SP140: variants seen among roughly 807,000 people sequenced by gnomAD.
SP140 encodes SP140 nuclear body protein, also known as nuclear body protein SP140.
A neutral mutation model predicts 125.0 loss-of-function variants in SP140; 81 were observed. The observed-to-expected ratio is 0.65, with a 90% CI of 0.54 to 0.78. The LOEUF is 0.78. Among genes scored for constraint, SP140 ranks in the 30% least tolerant of loss-of-function variants. The pLI is 0.00. For synonymous variants in SP140, 312 were observed against 354.0 expected (o/e 0.88, Z 1.33); for missense variants, 858 against 1,037.0 (o/e 0.83, Z 2.37).
chr2:230,198,868 T>A (rs1421896312), upstream of SP140, among the ~76,000 whole-genome samples: 1 of 152,090 alleles, frequency 6.6e-6, no homozygotes, highest in Non-Finnish European at 1.5e-5. Flanking sequence ...AATAGCAAAT[T>A]ATTAATGATA....
At chr2:230,312,360 G>T (rs1411180105) in intron 26 of SP140, among the ~76,000 whole-genome samples, 1 of 152,158 alleles carries the variant, frequency 6.6e-6, no homozygotes, top group Non-Finnish European at 1.5e-5. Context: ...ACAAAAAAAT[G>T]ATAACTATTT....
chr2:230,245,123 G>A, intron 6 of SP140, 43 bp downstream of exon 6: 1 of 1,352,432 alleles, frequency 7.4e-7, no homozygotes, highest in Non-Finnish European at 1.1e-6. Context: ...TAAATTAGTT[G>A]GCCTATCTCT....
intron 1 of SP140, among the ~76,000 whole-genome samples, chr2:230,234,146 T>C (rs1164232470): frequency 6.6e-6 from 1 of 152,228 alleles, no homozygotes. Context: ...ACAGTGTCAG[T>C]AAAAATGGAG....
chr2:230,208,002 C>A (rs1559171302), intron 1 of SP140: 2 of 1,551,030 alleles, frequency 1.3e-6, no homozygotes, highest in Non-Finnish European at 1.8e-6. Context: ...TCCTGGGAGG[C>A]TTTTTTTCTT....
At chr2:230,189,044 T>C in the SP140 span, among the ~76,000 whole-genome samples, 4 of 152,154 alleles carry the variant, frequency 2.6e-5, no homozygotes, top group Admixed American at 6.5e-5. Flanking sequence ...GTGGTGTCAG[T>C]TGTAATGTCT....
chr2:230,252,047 ACT>A (rs1221129090), intron 10 of SP140, among the ~76,000 whole-genome samples: 1 of 151,890 alleles, frequency 6.6e-6, no homozygotes, highest in Admixed American at 6.6e-5. Context: ...AATCTGAGAG[ACT>A]CTACCTGGGT....
chr2:230,271,328 T>C lies in SP140; in HGVS notation c.1498+689T>C, dbSNP rs541506655. Among the ~76,000 whole-genome samples, 19 of 152,300 alleles carry C rather than the reference T, an allele frequency of 1.2e-4. 1 individual carries two copies. The South Asian group carries it at 2.5e-3, about 20-fold the overall frequency. Reference sequence around the variant, plus strand: ...AGGCTGGAAGAATTTTAGATTATGATCGGAAAAGCCTATATTGCCTTGAGT... The same window carrying C: ...AGGCTGGAAGAATTTTAGATTATGACCGGAAAAGCCTATATTGCCTTGAGT... On this transcript the variant is annotated intron_variant, in intron 15 of 26. Transcript: ENST00000392045.
intron 15 of SP140, 147 bp downstream of exon 15, chr2:230,270,786 C>A: frequency 1.3e-6 from 1 of 761,518 alleles, no homozygotes; most frequent in Non-Finnish European, 2.3e-6. Context: ...TGTCTACCTC[C>A]TAATCCCTGG....
At chr2:230,188,044 G>C in the SP140 span, among the ~76,000 whole-genome samples, 1 of 152,012 alleles carries the variant, frequency 6.6e-6, no homozygotes, top group East Asian at 1.9e-4. Context: ...GTTGATATTT[G>C]ATAAGAATTG....
At chr2:230,199,742 G>C (rs1246187070), upstream of SP140, among the ~76,000 whole-genome samples, 1 of 152,066 alleles carries the variant, frequency 6.6e-6, no homozygotes, top group African/African-American at 2.4e-5. Flanking sequence ...TTCCCAGAGA[G>C]AGTTTATTTC....
intron 15 of SP140, among the ~76,000 whole-genome samples, chr2:230,276,001 C>T (rs2149386158): frequency 1.3e-5 from 2 of 152,208 alleles, no homozygotes; most frequent in Middle Eastern, 3.4e-3. Flanking sequence ...TTGTGGCTAG[C>T]TGATGTTGGT....
chr2:230,245,826 T>G (rs773367546), intron 6 of SP140, 37 bp from the exon 7 acceptor site: 168 of 1,390,996 alleles, frequency 1.2e-4, no homozygotes, highest in Non-Finnish European at 1.6e-4. Flanking sequence ...TCCAGGTCAC[T>G]GCCAATTGTC....
intron 18 of SP140, 39 bp downstream of exon 18, chr2:230,288,005 C>G: frequency 6.5e-7 from 1 of 1,531,472 alleles, no homozygotes; most frequent in Non-Finnish European, 9.0e-7. Context: ...AATAACTAAA[C>G]ATCTAATTTC....
At chr2:230,234,879 T>C (rs1012105498) in intron 1 of SP140, 20 of 152,228 alleles carry the variant, frequency 1.3e-4, no homozygotes, top group African/African-American at 4.3e-4. Context: ...ACATCTGTAT[T>C]TCCGCTAGGG....
chr2:230,241,311 C>A, intron 3 of SP140, 93 bp from the exon 4 acceptor site: 1 of 794,276 alleles, frequency 1.3e-6, no homozygotes, highest in Non-Finnish European at 2.2e-6. Flanking sequence ...GTGGGAGATC[C>A]TGGGGCTTGG....
rs148356804 is a variant in SP140, at chr2:230,213,005, C to T, written c.-322-649C>T. Reference sequence around the variant, plus strand: ...CAAGTAGGATTGGTGTGTCTCTGCTCTGCCATTCATAGGAAGCACCAACTG... The same window carrying T: ...CAAGTAGGATTGGTGTGTCTCTGCTTTGCCATTCATAGGAAGCACCAACTG... On this transcript the variant is annotated intron_variant, in intron 1 of 4. Transcript: ENST00000456542. 43 of 1,614,078 alleles carry T rather than the reference C, an allele frequency of 2.7e-5. No individual in the cohort carries two copies. The African/African-American group carries it at 3.6e-4, about 14-fold the overall frequency.
chr2:230,197,185 C>T, the SP140 span, among the ~76,000 whole-genome samples: 1 of 151,832 alleles, frequency 6.6e-6, no homozygotes, highest in African/African-American at 2.4e-5. Flanking sequence ...CCTATTTCTC[C>T]ACATCCTCTC....
At chr2:230,288,347 T>G (rs1271285107) in intron 18 of SP140, among the ~76,000 whole-genome samples, 1 of 152,224 alleles carries the variant, frequency 6.6e-6, no homozygotes, top group African/African-American at 2.4e-5. Flanking sequence ...TGGTTAGAGA[T>G]CTGTGTCCTA....
downstream of SP140, among the ~76,000 whole-genome samples, chr2:230,315,469 CAT>C (rs2059478418): frequency 6.6e-6 from 1 of 152,022 alleles, no homozygotes; most frequent in Non-Finnish European, 1.5e-5. Flanking sequence ...AGGTAATGTC[CAT>C]CTCACAATGG....
Sources: gnomAD v4.1 joint callset for allele counts (sites outside exome capture counted in the v4.1 genomes callset) on GRCh38, gnomAD v4.1.1 for gene constraint, MANE v1.5 for transcripts, NCBI Gene and HGNC (gene_info 2026-07-23, HGNC 2026-07-21) for gene names.